The following GPD2 variants were observed in gnomAD, a reference collection of about 807,000 sequenced individuals.
The protein encoded by GPD2 is glycerol-3-phosphate dehydrogenase 2.
Under a neutral mutation model 82.4 loss-of-function variants are expected in GPD2, and 54 were observed. That is an observed-to-expected ratio of 0.66 (90% CI 0.53 to 0.82). GPD2 has a LOEUF of 0.82. Ranked by LOEUF, GPD2 falls within the 40% of genes least tolerant of loss-of-function variation. GPD2 has a pLI of 0.00. For missense variants in GPD2, 748 were observed against 896.2 expected (o/e 0.83, Z 2.11); for synonymous variants, 288 against 306.1 (o/e 0.94, Z 0.62).
At chr2:156,488,160 A>G (rs1684015395) in intron 2 of GPD2, among the ~76,000 whole-genome samples, 1 of 152,134 alleles carries the variant, frequency 6.6e-6, no homozygotes, top group African/African-American at 2.4e-5. Context: ...AGTGATCATG[A>G]ATCCCTCACC....
chr2:156,423,400 G>T, the GPD2 span, among the ~76,000 whole-genome samples: 2,198 of 152,136 alleles, frequency 0.014, 22 homozygotes, highest in Non-Finnish European at 0.02. Flanking sequence ...TCCAAAATGA[G>T]CATGAGTTCT....
chr2:156,543,600 A>C lies in GPD2; in HGVS notation c.662-6008A>C, dbSNP rs1393950330. ...ACAAAGTTCTCTGGAAACACAGAAG[A>C]GGGAAGGCCATTGTGTCTAAAAGGA... is the stretch of plus-strand genomic sequence containing the variant. On this transcript the variant is annotated intron_variant, in intron 6 of 16. Coordinates refer to ENST00000438166, the MANE Select transcript of GPD2 (RefSeq NM_000408.5). Among the ~76,000 whole-genome samples the C allele has an allele frequency of 2.0e-5, 3 of 152,208 alleles. No individual in the cohort carries two copies. In the East Asian group the frequency reaches 5.8e-4, roughly 29 times the overall value.
chr2:156,558,796 T>TTTTTTA (rs1687059252), intron 9 of GPD2, among the ~76,000 whole-genome samples: 3 of 124,880 alleles, frequency 2.4e-5, no homozygotes, highest in Non-Finnish European at 4.9e-5. Context: ...TTTTTTTTTT[T>TTTTTTA]AAGTAGAGAC....
intron 6 of GPD2, among the ~76,000 whole-genome samples, chr2:156,537,901 CTG>C (rs1473715044): frequency 6.6e-6 from 1 of 152,218 alleles, no homozygotes; most frequent in Admixed American, 6.5e-5. Flanking sequence ...GAGATTATAT[CTG>C]TAGGTAGTTC....
At chr2:156,432,017 G>A (rs1471803384), upstream of GPD2, among the ~76,000 whole-genome samples, 1 of 151,206 alleles carries the variant, frequency 6.6e-6, no homozygotes, top group Non-Finnish European at 1.5e-5. Context: ...CTCCCGAGTA[G>A]CTGGGACTAC....
At chr2:156,488,149 G>C (rs1277866124) in intron 2 of GPD2, among the ~76,000 whole-genome samples, 2 of 152,048 alleles carry the variant, frequency 1.3e-5, no homozygotes, top group African/African-American at 4.8e-5. Context: ...TCTATCTACA[G>C]AGTGATCATG....
chr2:156,529,965 A>G (rs1352587399), intron 6 of GPD2, among the ~76,000 whole-genome samples: 1 of 151,948 alleles, frequency 6.6e-6, no homozygotes, highest in African/African-American at 2.4e-5. Context: ...CTATTTTCCA[A>G]TTCTGTGAAG....
chr2:156,542,224 A>G (rs1410072708), intron 6 of GPD2, among the ~76,000 whole-genome samples: 1 of 152,160 alleles, frequency 6.6e-6, no homozygotes, highest in Non-Finnish European at 1.5e-5. Flanking sequence ...ACTTAGGGTG[A>G]GACAAAGGAA....
In GPD2 at chr2:156,582,844, C is replaced by T. The variant is rs1278587821; in HGVS notation, c.2110C>T (p.Leu704=). 1.1e-5 allele frequency: 18 copies of T among 1,612,730 alleles called. No individual in the cohort carries two copies. The highest frequency in any genetic ancestry group is 1.4e-5 in the Non-Finnish European group (17 of 1,179,006). Residue 704 remains leucine (L), a synonymous_variant, in exon 17 of 17, where the codon CTA becomes TTA. Transcript: ENST00000438166. Reference sequence around the variant, plus strand: ...GGTATCTGGAAGCCGGCTTGCTATACTAATGAAAACTGCAGAAGAGAACCT... The same window carrying T: ...GGTATCTGGAAGCCGGCTTGCTATATTAATGAAAACTGCAGAAGAGAACCT... The part of the protein sequence containing the change: ...GRVSGSRLAI[L]MKTAEENLDR...
At chr2:156,529,529 A>G (rs1685759731) in intron 6 of GPD2, among the ~76,000 whole-genome samples, 1 of 151,658 alleles carries the variant, frequency 6.6e-6, no homozygotes, top group Non-Finnish European at 1.5e-5. Context: ...TATGTCCTGA[A>G]TGGTAATGCC....
At chr2:156,458,797 G>C (rs1456200295) in intron 1 of GPD2, among the ~76,000 whole-genome samples, 1 of 151,814 alleles carries the variant, frequency 6.6e-6, no homozygotes, top group Non-Finnish European at 1.5e-5. Context: ...TTATATGCAT[G>C]CACACGTATA....
rs573574201 is a variant in GPD2 at position 156,556,350 on chromosome 2, A to G, written c.972-1039A>G. Among the ~76,000 whole-genome samples the G allele has an allele frequency of 2.5e-3, 388 of 152,352 alleles. 4 individuals are homozygous for G. The highest frequency in any genetic ancestry group is 8.9e-3 in the African/African-American group (369 of 41,596). The stretch of plus-strand genomic sequence containing the variant: ...AGAATCCAGTCAAATAGAAGCAGCT[A>G]TCTGAAGATTTGTAGTGTTCTACTT... On this transcript the variant is annotated intron_variant, in intron 8 of 16. Transcript: ENST00000438166.
At chr2:156,559,262 T>A (rs992418782) in intron 9 of GPD2, among the ~76,000 whole-genome samples, 1 of 152,186 alleles carries the variant, frequency 6.6e-6, no homozygotes, top group African/African-American at 2.4e-5. Flanking sequence ...GATTCTTTAT[T>A]TGTGTTTAGC....
rs1688171061 is a variant in GPD2 at position 156,585,201 on chromosome 2, G to A, written c.*2283G>A. On this transcript the variant is annotated 3_prime_UTR_variant, in exon 17 of 17. Transcript: ENST00000438166. Reference sequence around the variant, plus strand: ...ATAAGCTCTTAATTAAACCTGTACAGCTTCTTTACCTGATTTAAGAAAGGG... The same window carrying A: ...ATAAGCTCTTAATTAAACCTGTACAACTTCTTTACCTGATTTAAGAAAGGG... 6.6e-6 allele frequency: 1 copy of A among 152,316 alleles called. No homozygotes were observed. 9.4% of individuals were successfully genotyped at this position (152,316 alleles called of 1,614,324 possible). A position where few individuals can be genotyped will look rare whatever the true frequency, so the allele number is the denominator to read the frequency against.
At chr2:156,571,987 A>C (rs1687657524) in intron 13 of GPD2, among the ~76,000 whole-genome samples, 1 of 152,168 alleles carries the variant, frequency 6.6e-6, no homozygotes, top group Admixed American at 6.6e-5. Context: ...TTGCTGCATT[A>C]GCTCTGGTCA....
intron 13 of GPD2, among the ~76,000 whole-genome samples, chr2:156,573,054 T>G (rs1346852468): frequency 2.6e-5 from 4 of 152,146 alleles, no homozygotes; most frequent in Non-Finnish European, 5.9e-5. Context: ...AAGGAAAGAA[T>G]TAGTCACATG....
intron 6 of GPD2, among the ~76,000 whole-genome samples, chr2:156,539,492 T>A (rs968980256): frequency 2.6e-5 from 4 of 152,160 alleles, no homozygotes; most frequent in African/African-American, 9.7e-5. Context: ...TCAGACTGAT[T>A]TGATAACAAT....
chr2:156,570,366 C>G, intron 12 of GPD2, 148 bp downstream of exon 12: 1 of 661,152 alleles, frequency 1.5e-6, no homozygotes, highest in East Asian at 2.8e-5. Flanking sequence ...CAATATAGAT[C>G]CTTTTATTTA....
At chr2:156,580,841 T>C (rs929610382) in intron 16 of GPD2, among the ~76,000 whole-genome samples, 3 of 152,196 alleles carry the variant, frequency 2.0e-5, no homozygotes, top group South Asian at 2.1e-4. Context: ...TTTAACTAAA[T>C]ACACATTTTA....
Sources: gnomAD v4.1 joint callset for allele counts (sites outside exome capture counted in the v4.1 genomes callset) on GRCh38, gnomAD v4.1.1 for gene constraint, MANE v1.5 for transcripts, NCBI Gene and HGNC (gene_info 2026-07-23, HGNC 2026-07-21) for gene names.